PTPRR: variants seen among roughly 807,000 people sequenced by gnomAD.
The protein encoded by PTPRR is receptor-type tyrosine-protein phosphatase R.
PTPRR carries 38 observed loss-of-function variants against 77.2 expected under a neutral mutation model. The observed-to-expected ratio is 0.49, with a 90% CI of 0.38 to 0.65. The LOEUF (loss-of-function observed/expected upper bound fraction) is 0.65, where lower values mean the gene tolerates loss of function less well. Ranked by LOEUF, PTPRR falls within the 30% of genes least tolerant of loss-of-function variation. The pLI is 0.00. For missense variants in PTPRR, 744 were observed against 799.2 expected (o/e 0.93, Z 0.83); for synonymous variants, 299 against 283.1 (o/e 1.06, Z -0.57).
chr12:70,881,206 C>T (rs181877750), intron 2 of PTPRR, among the ~76,000 whole-genome samples: 2 of 152,280 alleles, frequency 1.3e-5, no homozygotes, highest in East Asian at 3.9e-4. Context: ...ATTCTAGTTG[C>T]CATGTTCTCA....
intron 3 of PTPRR, among the ~76,000 whole-genome samples, chr12:70,762,078 G>A (rs1169626859): frequency 6.6e-6 from 1 of 152,146 alleles, no homozygotes; most frequent in Non-Finnish European, 1.5e-5. Flanking sequence ...GTGAAGGCTT[G>A]GCTAGCTAAA....
chr12:70,728,528 AATATATATATATATAT>A (rs71068723), intron 6 of PTPRR, among the ~76,000 whole-genome samples: 24 of 80,136 alleles, frequency 3.0e-4, no homozygotes, highest in African/African-American at 1.1e-3. Flanking sequence ...CCAAAATCTG[AATATATATATATATAT>A]ATATATATAT....
intron 10 of PTPRR, chr12:70,672,595 G>A (rs1270416411): frequency 1.4e-6 from 2 of 1,452,710 alleles, no homozygotes; most frequent in Non-Finnish European, 1.9e-6. Context: ...CAAGGACAGT[G>A]TAGCAGATGC....
At chr12:70,874,894 C>T (rs558250449) in intron 2 of PTPRR, among the ~76,000 whole-genome samples, 1 of 144,994 alleles carries the variant, frequency 6.9e-6, no homozygotes, top group African/African-American at 2.7e-5. Flanking sequence ...TGCACTCCAG[C>T]CCAGTGACAG....
At chr12:70,841,150 A>G (rs1892390302) in intron 2 of PTPRR, among the ~76,000 whole-genome samples, 1 of 151,968 alleles carries the variant, frequency 6.6e-6, no homozygotes, top group South Asian at 2.1e-4. Context: ...AGCTCATACT[A>G]CTATTAGAGG....
intron 2 of PTPRR, among the ~76,000 whole-genome samples, chr12:70,842,118 C>A (rs1892407679): frequency 6.6e-6 from 1 of 152,070 alleles, no homozygotes; most frequent in Admixed American, 6.6e-5. Flanking sequence ...GTACGTATGC[C>A]CAACTGCTAT....
intron 2 of PTPRR, among the ~76,000 whole-genome samples, chr12:70,859,755 C>A (rs1027486542): frequency 2.0e-5 from 3 of 151,952 alleles, no homozygotes; most frequent in Non-Finnish European, 4.4e-5. Flanking sequence ...AAGATCCTGG[C>A]ACTGGGTAAA....
chr12:70,762,817 T>G (rs1399877340), intron 3 of PTPRR, among the ~76,000 whole-genome samples: 17 of 152,162 alleles, frequency 1.1e-4, no homozygotes, highest in Non-Finnish European at 1.5e-5. Flanking sequence ...CCAAAACACA[T>G]GATGCTAATC....
At chr12:70,648,722 G>A (rs1350040230) in intron 13 of PTPRR, among the ~76,000 whole-genome samples, 1 of 151,954 alleles carries the variant, frequency 6.6e-6, no homozygotes, top group African/African-American at 2.4e-5. Context: ...TCATTCTTTT[G>A]CTAGTCTTAC....
At chr12:70,920,283 A>G (rs753522433) in intron 1 of PTPRR, 50 bp downstream of exon 1, 1 of 1,562,462 alleles carries the variant, frequency 6.4e-7, no homozygotes. Flanking sequence ...AAGCATGTGC[A>G]GTTTCCCATC....
At chr12:70,888,040 G>A (rs1893272145) in intron 2 of PTPRR, among the ~76,000 whole-genome samples, 1 of 152,150 alleles carries the variant, frequency 6.6e-6, no homozygotes, top group Admixed American at 6.6e-5. Flanking sequence ...GGGTGTGTGT[G>A]TGTGGTGTGA....
intron 2 of PTPRR, among the ~76,000 whole-genome samples, chr12:70,766,390 A>G (rs534505563): frequency 6.6e-5 from 10 of 152,322 alleles, no homozygotes; most frequent in Admixed American, 2.0e-4. Context: ...GAGCTGATGC[A>G]ATCAACTGGA....
intron 13 of PTPRR, among the ~76,000 whole-genome samples, chr12:70,644,950 T>C (rs931528186): frequency 8.5e-5 from 13 of 152,232 alleles, no homozygotes; most frequent in African/African-American, 2.9e-4. Flanking sequence ...ACAAGTCATT[T>C]AGTCCTTCCC....
chr12:70,741,168 T>G (rs1486348635), intron 6 of PTPRR, among the ~76,000 whole-genome samples: 1 of 152,194 alleles, frequency 6.6e-6, no homozygotes, highest in East Asian at 1.9e-4. Context: ...CAGGCATTTA[T>G]CTCCAGGAGC....
intron 2 of PTPRR, among the ~76,000 whole-genome samples, chr12:70,780,270 G>A (rs753397984): frequency 6.6e-6 from 1 of 152,116 alleles, no homozygotes; most frequent in Non-Finnish European, 1.5e-5. Context: ...GATTACAGGC[G>A]TGAGCCACTG....
intron 2 of PTPRR, among the ~76,000 whole-genome samples, chr12:70,797,777 A>G (rs1044713833): frequency 1.8e-4 from 27 of 152,138 alleles, no homozygotes; most frequent in Admixed American, 4.6e-4. Context: ...GTTTTCTCCA[A>G]TGCCAGTGGT....
At chr12:70,833,055 A>G (rs541992131) in intron 2 of PTPRR, among the ~76,000 whole-genome samples, 1 of 152,310 alleles carries the variant, frequency 6.6e-6, no homozygotes, top group South Asian at 2.1e-4. Flanking sequence ...CAAGCCATTC[A>G]TGAGGAATCT....
intron 6 of PTPRR, among the ~76,000 whole-genome samples, chr12:70,740,102 A>G (rs1889997949): frequency 6.6e-6 from 1 of 152,186 alleles, no homozygotes; most frequent in Non-Finnish European, 1.5e-5. Context: ...GATAAACCTG[A>G]AGACTATTGA....
At chr12:70,811,821 G>A (rs946881344) in intron 2 of PTPRR, among the ~76,000 whole-genome samples, 2 of 152,212 alleles carry the variant, frequency 1.3e-5, no homozygotes, top group African/African-American at 4.8e-5. Context: ...GCTCTAAGCA[G>A]TGGACATAAG....
Sources: gnomAD v4.1 joint callset for allele counts (sites outside exome capture counted in the v4.1 genomes callset) on GRCh38, gnomAD v4.1.1 for gene constraint, MANE v1.5 for transcripts, NCBI Gene and HGNC (gene_info 2026-07-23, HGNC 2026-07-21) for gene names.